ANOS1: variants seen among roughly 807,000 people sequenced by gnomAD.
The protein encoded by ANOS1 is anosmin 1.
A neutral mutation model predicts 59.0 loss-of-function variants in ANOS1; 6 were observed. The ratio of observed to expected loss-of-function variants is 0.10; its 90% CI spans 0.06 to 0.20. The LOEUF is 0.20. Ranked by LOEUF, ANOS1 falls within the 10% of genes least tolerant of loss-of-function variation. The pLI, the probability that ANOS1 is intolerant of heterozygous loss-of-function variation, is 1.00. For missense variants in ANOS1, 433 were observed against 542.3 expected (o/e 0.80, Z 2.00); for synonymous variants, 217 against 223.4 (o/e 0.97, Z 0.25).
intron 1 of ANOS1, among the ~76,000 whole-genome samples, chrX:8,725,224 T>G (rs1932902159): frequency 9.0e-6 from 1 of 111,045 alleles, no homozygotes; most frequent in African/African-American, 3.3e-5. Context: ...GAGTCAGGTT[T>G]CTGGACAGCA....
intron 2 of ANOS1, among the ~76,000 whole-genome samples, chrX:8,667,316 G>T (rs1463887303): frequency 9.1e-6 from 1 of 109,528 alleles, no homozygotes; most frequent in African/African-American, 3.3e-5. Flanking sequence ...TTTGCGGGGG[G>T]ATGGGGGTGG....
chrX:8,680,385 A>G (rs1411388373), intron 2 of ANOS1, among the ~76,000 whole-genome samples: 4 of 110,589 alleles, frequency 3.6e-5, no homozygotes, highest in African/African-American at 1.3e-4. Context: ...AATAAAAGAA[A>G]AGCTGTTTAT....
chrX:8,610,547 G>T (rs2146836568), intron 3 of ANOS1, among the ~76,000 whole-genome samples: 1 of 111,742 alleles, frequency 8.9e-6, no homozygotes, highest in South Asian at 3.8e-4. Context: ...GGGATTCAGA[G>T]GGACCCTTTG....
At chrX:8,664,483 G>A (rs759896378) in intron 2 of ANOS1, among the ~76,000 whole-genome samples, 194 of 110,017 alleles carry the variant, frequency 1.8e-3, no homozygotes, top group African/African-American at 6.1e-3. Flanking sequence ...GTGAGCCACC[G>A]CCCCCGGCCA....
At chrX:8,633,163 T>C (rs1378495998) in intron 2 of ANOS1, among the ~76,000 whole-genome samples, 1 of 111,533 alleles carries the variant, frequency 9.0e-6, no homozygotes, top group East Asian at 2.8e-4. Context: ...CATGCCAGCC[T>C]AGCACAACCA....
intron 4 of ANOS1, 74 bp from the exon 5 acceptor site, chrX:8,588,052 T>C: frequency 1.1e-6 from 1 of 924,162 alleles, no homozygotes; most frequent in Non-Finnish European, 1.5e-6. Context: ...GAAGAACAAA[T>C]ATGGAAGAGA....
intron 1 of ANOS1, among the ~76,000 whole-genome samples, chrX:8,728,691 G>T (rs891274855): frequency 5.3e-5 from 6 of 112,312 alleles, no homozygotes; most frequent in Admixed American, 2.8e-4. Flanking sequence ...AATATTTCAG[G>T]AGGTGCTAAC....
At chrX:8,624,011 C>CTTTTTTTTTTTT (rs566769185) in intron 2 of ANOS1, among the ~76,000 whole-genome samples, 1 of 69,414 alleles carries the variant, frequency 1.4e-5, no homozygotes, top group African/African-American at 5.3e-5. Context: ...CTTTTCTTTT[C>CTTTTTTTTTTTT]TTTTTTTTTT....
At chrX:8,606,068 C>T (rs1197039279) in intron 3 of ANOS1, among the ~76,000 whole-genome samples, 1 of 111,302 alleles carries the variant, frequency 9.0e-6, no homozygotes, top group Non-Finnish European at 1.9e-5. Context: ...AACAAATGGG[C>T]TAGTACAATA....
chrX:8,636,883 A>G (rs1445543876), intron 2 of ANOS1, among the ~76,000 whole-genome samples: 1 of 112,404 alleles, frequency 8.9e-6, no homozygotes, highest in Non-Finnish European at 1.9e-5. Context: ...AATGAGTTAG[A>G]CATCATATTC....
intron 2 of ANOS1, among the ~76,000 whole-genome samples, chrX:8,629,705 T>C (rs113796374): frequency 8.9e-6 from 1 of 111,955 alleles, no homozygotes; most frequent in Non-Finnish European, 1.9e-5. Flanking sequence ...CCTGGCCAGT[T>C]TGGCACCAAA....
intron 2 of ANOS1, among the ~76,000 whole-genome samples, chrX:8,647,017 A>T (rs1361996599): frequency 9.2e-6 from 1 of 109,208 alleles, no homozygotes; most frequent in Non-Finnish European, 1.9e-5. Context: ...ATCCTTGTCT[A>T]GGGTACAATT....
intron 4 of ANOS1, among the ~76,000 whole-genome samples, chrX:8,596,051 T>G (rs909455750): frequency 1.8e-5 from 2 of 111,585 alleles, no homozygotes; most frequent in Non-Finnish European, 3.8e-5. Flanking sequence ...CACCCCCAGA[T>G]GGGACCATCC....
At chrX:8,611,863 C>T (rs1931064398) in intron 3 of ANOS1, among the ~76,000 whole-genome samples, 1 of 111,050 alleles carries the variant, frequency 9.0e-6, no homozygotes, top group South Asian at 3.7e-4. Context: ...ACAGATGAAC[C>T]TTGGGGTCTA....
Position 8,563,978 on chromosome X carries a change from G to A in ANOS1, c.1207+4254C>T, listed in dbSNP as rs1051786441. ...GACATTCAGATACAGGGAATGACAG[G>A]CTACAGACATCTGGTATTAGTGGAG... is the stretch of plus-strand genomic sequence containing the variant. On this transcript the variant is annotated intron_variant, in intron 8 of 13. Coordinates refer to ENST00000262648, the MANE Select transcript of ANOS1 (RefSeq NM_000216.4). Among the ~76,000 whole-genome samples the A allele has an allele frequency of 1.1e-4, 12 of 111,482 alleles. No homozygotes were observed. The East Asian group carries it at 3.4e-3, about 32-fold the overall frequency.
At chrX:8,674,790 T>G (rs1281696729) in intron 2 of ANOS1, among the ~76,000 whole-genome samples, 1 of 112,311 alleles carries the variant, frequency 8.9e-6, no homozygotes, top group African/African-American at 3.2e-5. Flanking sequence ...AATGCACATG[T>G]CCCATTCATG....
chrX:8,545,061 CAAAAAA>C (rs759787339), intron 9 of ANOS1, among the ~76,000 whole-genome samples: 2 of 20,479 alleles, frequency 9.8e-5, no homozygotes, highest in African/African-American at 4.2e-4. Flanking sequence ...AGAGAAACTC[CAAAAAA>C]AAAAAAAAAA....
At chrX:8,611,014 G>A (rs376038656) in intron 3 of ANOS1, among the ~76,000 whole-genome samples, 1 of 110,670 alleles carries the variant, frequency 9.0e-6, no homozygotes, top group African/African-American at 3.3e-5. Flanking sequence ...AGAAATTATA[G>A]AAATGATAGC....
intron 6 of ANOS1, among the ~76,000 whole-genome samples, chrX:8,571,852 T>G (rs905815316): frequency 8.9e-6 from 1 of 111,977 alleles, no homozygotes; most frequent in Admixed American, 9.5e-5. Flanking sequence ...TATAGCACCA[T>G]CTGTGTTGGA....
Sources: gnomAD v4.1 joint callset for allele counts (sites outside exome capture counted in the v4.1 genomes callset) on GRCh38, gnomAD v4.1.1 for gene constraint, MANE v1.5 for transcripts, NCBI Gene and HGNC (gene_info 2026-07-23, HGNC 2026-07-21) for gene names.